STIM1: variants seen among roughly 807,000 people sequenced by gnomAD.
STIM1 encodes stromal interaction molecule 1.
A neutral mutation model predicts 74.7 loss-of-function variants in STIM1; 25 were observed. That is an observed-to-expected ratio of 0.33 (90% confidence interval 0.24 to 0.47). The LOEUF is 0.47. Among genes scored for constraint, STIM1 ranks in the 20% least tolerant of loss-of-function variants. STIM1 has a pLI of 1.00. For synonymous variants in STIM1, 328 were observed against 348.8 expected (o/e 0.94, Z 0.66); for missense variants, 728 against 920.8 (o/e 0.79, Z 2.71).
chr11:4,047,546 G>A (rs1160302681), intron 3 of STIM1, among the ~76,000 whole-genome samples: 1 of 152,160 alleles, frequency 6.6e-6, no homozygotes, highest in Non-Finnish European at 1.5e-5. Context: ...AACCTGGGAG[G>A]CGGAGGCTTC....
intron 6 of STIM1, 103 bp downstream of exon 6, chr11:4,070,306 TG>T (rs1176104149): frequency 3.7e-6 from 5 of 1,344,254 alleles, no homozygotes; most frequent in Non-Finnish European, 5.3e-6. Flanking sequence ...CTTGTCAGCA[TG>T]GCAGCCCAGG....
intron 12 of STIM1, among the ~76,000 whole-genome samples, chr11:4,090,539 G>C (rs984749748): frequency 1.3e-5 from 2 of 152,230 alleles, no homozygotes; most frequent in Non-Finnish European, 2.9e-5. Context: ...GGTGGGTGAA[G>C]GATTATTTGC....
chr11:4,087,892 G>T (rs1167282921), intron 12 of STIM1, among the ~76,000 whole-genome samples: 2 of 151,144 alleles, frequency 1.3e-5, no homozygotes, highest in Non-Finnish European at 2.9e-5. Context: ...AGCGGACATA[G>T]GTTTTGGGGT....
At chr11:4,034,496 A>G (rs72851744) in intron 3 of STIM1, among the ~76,000 whole-genome samples, 2,179 of 152,214 alleles carry the variant, frequency 0.014, 21 homozygotes, top group Middle Eastern at 0.024. Flanking sequence ...GTCATAATGT[A>G]TTATCCTTTC....
At chr11:3,896,196 A>T (rs10767688) in intron 1 of STIM1, among the ~76,000 whole-genome samples, 9 of 151,448 alleles carry the variant, frequency 5.9e-5, no homozygotes, top group African/African-American at 2.2e-4. Flanking sequence ...GAGCCACTGC[A>T]CCTGGCCGGA....
chr11:4,052,799 G>A (rs965625255), intron 3 of STIM1, among the ~76,000 whole-genome samples: 1 of 152,076 alleles, frequency 6.6e-6, no homozygotes, highest in Non-Finnish European at 1.5e-5. Context: ...GAGTGAACAG[G>A]CAACCTACAG....
intron 3 of STIM1, among the ~76,000 whole-genome samples, chr11:4,051,206 A>G (rs2094237664): frequency 6.6e-6 from 1 of 152,204 alleles, no homozygotes; most frequent in Non-Finnish European, 1.5e-5. Context: ...ACACTTATAA[A>G]CACAAATGCA....
At chr11:3,880,501 A>G (rs1215352362) in intron 1 of STIM1, among the ~76,000 whole-genome samples, 5 of 152,092 alleles carry the variant, frequency 3.3e-5, no homozygotes, top group African/African-American at 1.2e-4. Context: ...TTGGGAGTAA[A>G]ATCTTTCATG....
intron 3 of STIM1, among the ~76,000 whole-genome samples, chr11:4,033,301 G>A (rs113373415): frequency 0.028 from 4,327 of 152,094 alleles, 153 homozygotes; most frequent in African/African-American, 0.084. Context: ...TGATGCCTCC[G>A]GCTTTGTTCT....
intron 2 of STIM1, among the ~76,000 whole-genome samples, chr11:4,014,809 C>T (rs2093879388): frequency 6.6e-6 from 1 of 152,110 alleles, no homozygotes; most frequent in East Asian, 1.9e-4. Context: ...ATGTAATGGC[C>T]TTCTTTGTCT....
At chr11:3,869,049 A>G (rs1590508580) in intron 1 of STIM1, among the ~76,000 whole-genome samples, 1 of 152,000 alleles carries the variant, frequency 6.6e-6, no homozygotes, top group East Asian at 1.9e-4. Context: ...GCTCATTGCA[A>G]GCCCTGCCTC....
intron 9 of STIM1, 134 bp downstream of exon 9, chr11:4,083,116 T>C: frequency 5.9e-6 from 7 of 1,180,844 alleles, no homozygotes; most frequent in Non-Finnish European, 8.8e-6. Context: ...TCAGCCTTTA[T>C]TTATCTCCTG....
chr11:3,979,706 C>T (rs2959059), intron 2 of STIM1, among the ~76,000 whole-genome samples: 115,589 of 152,090 alleles, frequency 0.76, 45,009 homozygotes, highest in East Asian at 0.9. Context: ...CCCAAGTTGC[C>T]GGGGATTACA....
intron 3 of STIM1, among the ~76,000 whole-genome samples, chr11:4,028,658 C>T (rs2094020304): frequency 6.6e-6 from 1 of 151,962 alleles, no homozygotes; most frequent in Non-Finnish European, 1.5e-5. Context: ...GATCCGCCTG[C>T]CTCGGCCTTC....
chr11:3,925,437 G>C (rs750045842), intron 1 of STIM1, among the ~76,000 whole-genome samples: 1 of 152,084 alleles, frequency 6.6e-6, no homozygotes, highest in African/African-American at 2.4e-5. Context: ...TGCTTTCTTT[G>C]TACTATTTAA....
chr11:4,000,021 G>A (rs1188666965), intron 2 of STIM1, among the ~76,000 whole-genome samples: 3 of 151,904 alleles, frequency 2.0e-5, no homozygotes, highest in Non-Finnish European at 2.9e-5. Flanking sequence ...AGGCGGCAGC[G>A]AGGCTGGGGG....
At chr11:3,989,184 T>A in intron 2 of STIM1, 2 of 997,546 alleles carry the variant, frequency 2.0e-6, no homozygotes, top group Non-Finnish European at 3.2e-6. Flanking sequence ...CCTTCTCTCC[T>A]GCCTCATCAG....
intron 11 of STIM1, 23 bp downstream of exon 11, chr11:4,084,788 A>C (rs1208232873): frequency 7.8e-7 from 1 of 1,288,756 alleles, no homozygotes; most frequent in Non-Finnish European, 1.0e-6. Context: ...CCTTTGGGGC[A>C]TTTTGTTTTT....
At chr11:4,080,467 G>GTTTT (rs753798798) in intron 7 of STIM1, among the ~76,000 whole-genome samples, 2,249 of 129,710 alleles carry the variant, frequency 0.017, 110 homozygotes, top group Non-Finnish European at 0.026. Context: ...TAACCAAACA[G>GTTTT]TTTTTTTTTT....
Sources: gnomAD v4.1 joint callset for allele counts (sites outside exome capture counted in the v4.1 genomes callset) on GRCh38, gnomAD v4.1.1 for gene constraint, MANE v1.5 for transcripts, NCBI Gene and HGNC (gene_info 2026-07-23, HGNC 2026-07-21) for gene names.